SLC36A4: variants seen among roughly 807,000 people sequenced by gnomAD.
SLC36A4 encodes the protein neutral amino acid uniporter 4.
In SLC36A4, 49 loss-of-function variants were observed where a neutral mutation model predicts 50.5. The observed-to-expected ratio is 0.97, with a 90% CI of 0.77 to 1.23. The LOEUF (loss-of-function observed/expected upper bound fraction) is 1.23. Among genes scored for constraint, SLC36A4 ranks in the 50% most tolerant of loss-of-function variants. SLC36A4 has a pLI of 0.00. For missense variants in SLC36A4, 611 were observed against 608.4 expected (o/e 1.00, Z -0.05); for synonymous variants, 207 against 206.5 (o/e 1.00, Z -0.02).
intron 7 of SLC36A4, 150 bp from the exon 8 acceptor site, chr11:93,166,166 C>G (rs771557499): frequency 2.5e-5 from 32 of 1,299,256 alleles, no homozygotes; most frequent in Middle Eastern, 2.9e-4. Context: ...CTTAAAGCAT[C>G]CTCTGTTAAA....
At chr11:93,197,377 A>T (rs902905511) in intron 1 of SLC36A4, 1 of 232,450 alleles carries the variant, frequency 4.3e-6, no homozygotes, top group Non-Finnish European at 8.5e-6. Flanking sequence ...ATGAGGATTC[A>T]TCTGGAGATT....
intron 9 of SLC36A4, among the ~76,000 whole-genome samples, chr11:93,157,968 A>C (rs181416550): frequency 6.6e-6 from 1 of 152,338 alleles, no homozygotes; most frequent in African/African-American, 2.4e-5. Flanking sequence ...TGGCCAAGCA[A>C]GAAGAGATTC....
Position 93,148,271 on chromosome 11 carries a change from A to AT in SLC36A4, c.*265dup. 1 of 279,380 alleles carries AT rather than the reference A, an allele frequency of 3.6e-6. No homozygotes were observed. The highest frequency in any genetic ancestry group is 5.3e-5 in the South Asian group (1 of 18,842). 17.3% of individuals were successfully genotyped at this position (279,380 alleles called of 1,614,324 possible). On this transcript the variant is annotated 3_prime_UTR_variant, in exon 11 of 11. Coordinates refer to ENST00000326402, the MANE Select transcript of SLC36A4 (RefSeq NM_152313.4). ...ACTGAGATAAAAGAATAATAGAAGT[A>AT]TTTTTATTCTTTAATTTTTTTACAT...
intron 10 of SLC36A4, among the ~76,000 whole-genome samples, chr11:93,150,458 T>C (rs1015610730): frequency 2.0e-5 from 3 of 152,086 alleles, no homozygotes; most frequent in African/African-American, 7.2e-5. Context: ...TCCCACCATG[T>C]TCCTCATATA....
chr11:93,189,126 G>C (rs547530476), intron 1 of SLC36A4, among the ~76,000 whole-genome samples: 1 of 150,918 alleles, frequency 6.6e-6, no homozygotes, highest in African/African-American at 2.4e-5. Flanking sequence ...ACAATGGTGC[G>C]ATCTTGGCTC....
At chr11:93,177,755 C>T (rs529974713) in intron 6 of SLC36A4, among the ~76,000 whole-genome samples, 5 of 152,190 alleles carry the variant, frequency 3.3e-5, no homozygotes, top group Middle Eastern at 3.4e-3. Flanking sequence ...GAGGGGGACC[C>T]GGCTGTATGA....
intron 1 of SLC36A4, among the ~76,000 whole-genome samples, chr11:93,194,264 C>A (rs1194192300): frequency 6.6e-6 from 1 of 151,908 alleles, no homozygotes; most frequent in Non-Finnish European, 1.5e-5. Context: ...AGCAAACTTG[C>A]ATTACTTTTA....
chr11:93,163,003 T>C lies in SLC36A4; in HGVS notation c.868-128A>G, dbSNP rs988595299. The C allele has an allele frequency of 1.0e-5, 7 of 680,072 alleles. No homozygotes were observed. In the African/African-American group the frequency reaches 1.1e-4, roughly 11 times the overall value. 42.1% of individuals were successfully genotyped at this position (680,072 alleles called of 1,614,324 possible). The stretch of plus-strand genomic sequence containing the variant: ...TTTTTTTCCTTTAAAACACATATAA[T>C]TGTTGAAGTACACTTCCATTGCTAT... On this transcript the variant is annotated intron_variant, in intron 8 of 10. Coordinates refer to ENST00000326402, the MANE Select transcript of SLC36A4 (RefSeq NM_152313.4).
chr11:93,158,808 T>C (rs11020182), intron 9 of SLC36A4, among the ~76,000 whole-genome samples: 36,190 of 152,048 alleles, frequency 0.24, 5,229 homozygotes, highest in East Asian at 0.32. Context: ...ATGAAGAACA[T>C]TGAAAGGAAA....
intron 10 of SLC36A4, 47 bp downstream of exon 10, chr11:93,154,060 AT>A: frequency 2.2e-6 from 2 of 894,554 alleles, no homozygotes; most frequent in Admixed American, 6.4e-5. Context: ...CTTTCAAGAA[AT>A]TGAACAATAA....
intron 1 of SLC36A4, among the ~76,000 whole-genome samples, chr11:93,191,197 G>A (rs1862202533): frequency 1.3e-5 from 2 of 152,116 alleles, no homozygotes; most frequent in Admixed American, 6.5e-5. Flanking sequence ...TATATAACAT[G>A]CTAAATTGTA....
intron 6 of SLC36A4, among the ~76,000 whole-genome samples, chr11:93,170,614 A>T (rs1212919959): frequency 2.0e-5 from 3 of 152,112 alleles, no homozygotes; most frequent in Non-Finnish European, 4.4e-5. Context: ...TGATTCTACA[A>T]TCAATGATCT....
chr11:93,184,367 T>C, intron 3 of SLC36A4, 63 bp downstream of exon 3: 2 of 962,780 alleles, frequency 2.1e-6, no homozygotes, highest in South Asian at 1.3e-5. Flanking sequence ...GGCCAGATAT[T>C]AGGTTGCTAT....
intron 9 of SLC36A4, among the ~76,000 whole-genome samples, chr11:93,159,023 A>T (rs2134641564): frequency 6.6e-6 from 1 of 152,212 alleles, no homozygotes; most frequent in Admixed American, 6.5e-5. Flanking sequence ...ACTTAGTATT[A>T]ATAGGTGATT....
At chr11:93,151,616 TA>T (rs1860090233) in intron 10 of SLC36A4, among the ~76,000 whole-genome samples, 1 of 152,102 alleles carries the variant, frequency 6.6e-6, no homozygotes, top group Non-Finnish European at 1.5e-5. Flanking sequence ...GCAACTAACT[TA>T]AATGAAGGAT....
At chr11:93,188,743 T>C (rs1361063195) in intron 1 of SLC36A4, among the ~76,000 whole-genome samples, 4 of 152,208 alleles carry the variant, frequency 2.6e-5, no homozygotes, top group Admixed American at 1.3e-4. Flanking sequence ...TCTGTTATAC[T>C]CTATACAAAA....
chr11:93,145,636 G>A lies in SLC36A4; in HGVS notation c.*2901C>T, dbSNP rs1231221569. On this transcript the variant is annotated 3_prime_UTR_variant, in exon 11 of 11. Transcript: ENST00000326402. Reference sequence around the variant, plus strand: ...AGCTTTCCTTTCTTTCCCCTCAGTAGCAGAAAAGTCTCTCAGGCAACTGAT... The same window carrying A: ...AGCTTTCCTTTCTTTCCCCTCAGTAACAGAAAAGTCTCTCAGGCAACTGAT... 6.6e-6 allele frequency: 1 copy of A among 152,070 alleles called. No individual in the cohort carries two copies. The highest frequency in any genetic ancestry group is 1.5e-5 in the Non-Finnish European group (1 of 67,996). The allele number at this position is 152,070 out of a possible 1,614,324, so 9.4% of individuals were successfully genotyped here. A position where few individuals can be genotyped will look rare whatever the true frequency, so the allele number is the denominator to read the frequency against.
intron 6 of SLC36A4, among the ~76,000 whole-genome samples, chr11:93,174,142 C>T (rs1590961450): frequency 6.7e-6 from 1 of 149,900 alleles, no homozygotes; most frequent in African/African-American, 2.4e-5. Context: ...GTTTGTAGTT[C>T]TCCTTGAAGA....
At chr11:93,180,263 A>C in intron 6 of SLC36A4, 2 of 985,126 alleles carry the variant, frequency 2.0e-6, no homozygotes, top group South Asian at 9.4e-5. Context: ...ATACACTGTC[A>C]ATCTCTTCCA....
Sources: gnomAD v4.1 joint callset for allele counts (sites outside exome capture counted in the v4.1 genomes callset) on GRCh38, gnomAD v4.1.1 for gene constraint, MANE v1.5 for transcripts, NCBI Gene and HGNC (gene_info 2026-07-23, HGNC 2026-07-21) for gene names.